The following ANKZF1 variants were observed in gnomAD, a reference collection of about 807,000 sequenced individuals.
ANKZF1 encodes the protein ankyrin repeat and zinc finger peptidyl tRNA hydrolase 1, also known as tRNA endonuclease ANKZF1.
ANKZF1 carries 84 observed loss-of-function variants against 86.0 expected under a neutral mutation model. The observed-to-expected ratio is 0.98, with a 90% confidence interval of 0.82 to 1.17. The LOEUF (loss-of-function observed/expected upper bound fraction) is 1.17, where lower values mean the gene tolerates loss of function less well. Ranked by LOEUF, ANKZF1 falls within the 50% of genes most tolerant of loss-of-function variation. ANKZF1 has a pLI of 0.00. For missense variants in ANKZF1, 893 were observed against 918.4 expected (o/e 0.97, Z 0.36); for synonymous variants, 331 against 354.2 (o/e 0.93, Z 0.74).
chr2:219,233,646 A>T, intron 7 of ANKZF1, 69 bp from the exon 8 acceptor site: 2 of 1,516,310 alleles, frequency 1.3e-6, no homozygotes, highest in Admixed American at 4.2e-5. Context: ...TCTGTGGGCC[A>T]TTTTTTTTAG....
rs1951249069 is a variant in ANKZF1, at chr2:219,236,676, G to C, written c.*231G>C. ...ATGTGTACTTGTACTTACATTCAGA[G>C]GCACTGTGGCCTTTAGTTCCTTAGG... On this transcript the variant is annotated 3_prime_UTR_variant, in exon 14 of 14. Coordinates refer to ENST00000323348, the MANE Select transcript of ANKZF1 (RefSeq NM_018089.3). 2 of 564,878 alleles carry C rather than the reference G, an allele frequency of 3.5e-6. No homozygotes were observed. Among genetic ancestry groups the C allele is most frequent in the Non-Finnish European group, 5.9e-6 (2 of 340,986 alleles). The allele number at this position is 564,878 out of a possible 1,614,324, so 35.0% of individuals were successfully genotyped here.
rs572972035 is a variant in ANKZF1 at position 219,229,883 on chromosome 2, C to G, written c.-48C>G. ...TCGACCTGAGGACTTGCGAGCCGCT[C>G]AGCTCCCGGGACGTTTGGTGCGTCT... On this transcript the variant is annotated 5_prime_UTR_variant, in exon 1 of 14. Transcript: ENST00000323348. This position sits in a 1 kb window ranked among gnomAD's most constrained non-coding sequence, Gnocchi z 4.2. 1 of 190,392 alleles carries G rather than the reference C, an allele frequency of 5.3e-6. No individual in the cohort carries two copies. The highest frequency in any genetic ancestry group is 2.4e-5 in the African/African-American group (1 of 40,978). The allele number at this position is 190,392 out of a possible 1,614,324, so 11.8% of individuals were successfully genotyped here. A position where few individuals can be genotyped will look rare whatever the true frequency, so the allele number is the denominator to read the frequency against.
Position 219,235,045 on chromosome 2 carries a change from T to C in ANKZF1, c.1424T>C (p.Val475Ala), listed in dbSNP as rs1951163529. Residue 475 changes from valine (V) to alanine (A), a missense_variant, in exon 10 of 14, where the codon GTT becomes GCT. By Grantham distance (64) the Val-to-Ala change is moderately conservative. Transcript: ENST00000323348. The stretch of plus-strand genomic sequence containing the variant: ...CCTTCCACACAGTCATCCCAGGCAG[T>C]TGCTGCCCCCTTGGGCCCTTTGCTG... Reference protein sequence around the residue: ...EEPSTQSSQAVAAPLGPLLDE... With the variant: ...EEPSTQSSQAAAAPLGPLLDE... 2.5e-6 allele frequency: 4 copies of C among 1,614,250 alleles called. No individual in the cohort carries two copies. The East Asian group carries it at 8.9e-5, about 36-fold the overall frequency.
chr2:219,236,160 A>C, intron 13 of ANKZF1, 65 bp downstream of exon 13: 1 of 1,604,422 alleles, frequency 6.2e-7, no homozygotes, highest in African/African-American at 1.3e-5. Flanking sequence ...GGGGCAAGAG[A>C]AATGAGTACC....
chr2:219,234,583 T>C (rs1951145842), intron 9 of ANKZF1: 1 of 657,638 alleles, frequency 1.5e-6, no homozygotes, highest in Admixed American at 2.9e-5. Context: ...GAGGGCTGCT[T>C]CCATGCTTTC....
Position 219,235,264 on chromosome 2 carries a change from G to C in ANKZF1, c.1643G>C (p.Gly548Ala). 1 of 1,612,174 alleles carries C rather than the reference G, an allele frequency of 6.2e-7. No homozygotes were observed. Among genetic ancestry groups the C allele is most frequent in the Non-Finnish European group, 8.5e-7 (1 of 1,179,978 alleles). ...CATGCAGCAGCTGCAGCTGGAAGAG[G>C]CTCAGTGGTTCGTCTGCTGCTGGAA... ...LLHAAAAAGR[G>A]SVVRLLLEAG... The change falls in exon 10 of 14, where the codon GGC becomes GCC. Residue 548 changes from glycine (G) to alanine (A), a missense_variant. Transcript: ENST00000323348.
Position 219,234,814 on chromosome 2 carries a change from G to C in ANKZF1, c.1205-12G>C, listed in dbSNP as rs1283225083. 1.3e-6 allele frequency: 2 copies of C among 1,599,352 alleles called. No individual in the cohort carries two copies. The highest frequency in any genetic ancestry group is 1.3e-5 in the African/African-American group (1 of 74,312). Reference sequence around the variant, plus strand: ...TCCCTAGATGGATTTCACATGTCAGGTTTTTCCCTAGGTTCAGGGTCGGAG... The same window carrying C: ...TCCCTAGATGGATTTCACATGTCAGCTTTTTCCCTAGGTTCAGGGTCGGAG... On this transcript the variant is annotated splice_polypyrimidine_tract_variant and intron_variant, in intron 9 of 13. Transcript: ENST00000323348.
Position 219,236,327 on chromosome 2 carries a change from G to A in ANKZF1, c.2063G>A (p.Cys688Tyr), listed in dbSNP as rs1261619773. The change falls in exon 14 of 14, where the codon TGC becomes TAC. Residue 688 changes from cysteine to tyrosine, a missense_variant. Cys to Tyr is a radical substitution (Grantham distance 194). Coordinates refer to ENST00000323348, the MANE Select transcript of ANKZF1 (RefSeq NM_018089.3). ...PDSAIVNTRR[C>Y]WSCGASLQGL... ...TTTTTCTTCCTCTTGTTCAGACGCT[G>A]CTGGAGTTGTGGGGCATCCCTCCAA... 6.2e-7 allele frequency: 1 copy of A among 1,613,940 alleles called. No homozygotes were observed. Among genetic ancestry groups the A allele is most frequent in the Non-Finnish European group, 8.5e-7 (1 of 1,180,050 alleles).
chr2:219,233,733 G>A lies in ANKZF1; in HGVS notation c.838G>A (p.Ala280Thr). 1.2e-6 allele frequency: 2 copies of A among 1,613,108 alleles called. No individual in the cohort carries two copies. Among genetic ancestry groups the A allele is most frequent in the Non-Finnish European group, 1.7e-6 (2 of 1,179,628 alleles). Residue 280 changes from alanine (A) to threonine (T), a missense_variant, in exon 8 of 14, where the codon GCA becomes ACA. Ala to Thr is a moderately conservative substitution (Grantham distance 58, BLOSUM62 0). Coordinates refer to ENST00000323348, the MANE Select transcript of ANKZF1 (RefSeq NM_018089.3). ...TLYKDVRDLL[A>T]GPSWAKALEE... ...TCTCTAGGATGTTCGTGACCTGCTG[G>A]CAGGGCCAAGCTGGGCTAAGGCGCT...
Position 219,234,851 on chromosome 2 carries a change from C to G in ANKZF1, c.1230C>G (p.Gly410=). ...GTTCAGGGTCGGAGGGAGAAGATGG[C>G]TTTCAGGTAGAGTTGGAGCTAGTGG... The part of the protein sequence containing the change: ...KQGSGSEGED[G]FQVELELVEL... Residue 410 remains glycine, a synonymous_variant, in exon 10 of 14, where the codon GGC becomes GGG. Coordinates refer to ENST00000323348, the MANE Select transcript of ANKZF1 (RefSeq NM_018089.3). The G allele has an allele frequency of 6.2e-7, 1 of 1,612,674 alleles. No homozygotes were observed. The highest frequency in any genetic ancestry group is 1.7e-5 in the Admixed American group (1 of 59,896).
chr2:219,232,455 A>G, intron 4 of ANKZF1, 35 bp from the exon 5 acceptor site: 1 of 1,612,176 alleles, frequency 6.2e-7, no homozygotes, highest in Non-Finnish European at 8.5e-7. Flanking sequence ...AAAATGGGGT[A>G]CCAAACTTGT....
In ANKZF1 at chr2:219,234,292, TG is replaced by T; in HGVS notation, c.1204+5del. On this transcript the variant is annotated splice_donor_5th_base_variant and intron_variant, in intron 9 of 13. Coordinates refer to ENST00000323348, the MANE Select transcript of ANKZF1 (RefSeq NM_018089.3). Reference sequence around the variant, plus strand: ...AATGAGGAATCTCCCAAACAGGGTTTGATTACTATCTGGCAACTGTCAGATC... The same window carrying T: ...AATGAGGAATCTCCCAAACAGGGTTTATTACTATCTGGCAACTGTCAGATC... The T allele has an allele frequency of 6.2e-7, 1 of 1,613,876 alleles. No homozygotes were observed. The highest frequency in any genetic ancestry group is 1.1e-5 in the South Asian group (1 of 91,086).
intron 7 of ANKZF1, 89 bp from the exon 8 acceptor site, chr2:219,233,626 C>A: frequency 6.9e-7 from 1 of 1,454,642 alleles, no homozygotes; most frequent in Non-Finnish European, 9.3e-7. Context: ...TACTTTCCAC[C>A]CCTTGCACTT....
At chr2:219,234,008 T>G in intron 8 of ANKZF1, 65 bp downstream of exon 8, 6 of 1,528,060 alleles carry the variant, frequency 3.9e-6, no homozygotes, top group Non-Finnish European at 5.3e-6. Flanking sequence ...AAGCCTCCAT[T>G]CTCATTGGTA....
Position 219,233,612 on chromosome 2 carries a change from C to T in ANKZF1, c.820-103C>T, listed in dbSNP as rs541230692. 4.9e-6 allele frequency: 7 copies of T among 1,417,778 alleles called. No homozygotes were observed. The South Asian group carries it at 6.9e-5, about 14-fold the overall frequency. The allele number at this position is 1,417,778 out of a possible 1,614,324, so 87.8% of individuals were successfully genotyped here. ...GTCCTCTATTCTTTCTCCGTGTTAT[C>T]CTCTACTTTCCACCCCTTGCACTTC... On this transcript the variant is annotated intron_variant, in intron 7 of 13. Coordinates refer to ENST00000323348, the MANE Select transcript of ANKZF1 (RefSeq NM_018089.3).
chr2:219,232,649 T>C lies in ANKZF1; in HGVS notation c.524T>C (p.Leu175Pro), dbSNP rs765039743. 5.6e-6 allele frequency: 9 copies of C among 1,614,216 alleles called. No homozygotes were observed. The highest frequency in any genetic ancestry group is 6.8e-6 in the Non-Finnish European group (8 of 1,180,038). ...TTCCAGAATGCCCAGGGCCAGTTTC[T>C]TTATGCCTACCGCTGTGTCCTAGGC... The part of the protein sequence containing the change: ...VLFQNAQGQF[L>P]YAYRCVLGPH... Residue 175 changes from leucine (L) to proline (P), a missense_variant, in exon 5 of 14, where the codon CTT becomes CCT. Physicochemically the swap from Leu to Pro is moderately conservative, Grantham distance 98. Transcript: ENST00000323348.
intron 5 of ANKZF1, 60 bp from the exon 6 acceptor site, chr2:219,233,019 T>C: frequency 6.7e-7 from 1 of 1,489,954 alleles, no homozygotes. Flanking sequence ...AAATTGGCCC[T>C]TAGTTTCTTG....
chr2:219,231,857 C>T, intron 2 of ANKZF1, 71 bp from the exon 3 acceptor site: 3 of 1,276,768 alleles, frequency 2.3e-6, no homozygotes, highest in Non-Finnish European at 3.4e-6. Context: ...GTATATCACA[C>T]TCTGAATATA....
rs746375968 is a variant in ANKZF1, at chr2:219,236,043, C to T, written c.2005C>T (p.Gln669Ter). The T allele has an allele frequency of 1.2e-6, 2 of 1,614,220 alleles. No homozygotes were observed. The highest frequency in any genetic ancestry group is 1.7e-6 in the Non-Finnish European group (2 of 1,180,050). The change falls in exon 13 of 14, where the codon CAG becomes TAG. Residue 669 changes from glutamine (Q) to a stop codon, truncating the protein, a stop_gained. Coordinates refer to ENST00000323348, the MANE Select transcript of ANKZF1 (RefSeq NM_018089.3). LOFTEE classifies it high-confidence loss of function. ...ALAAERRLAA[Q>*]LGAPTSPIPD... Reference sequence around the variant, plus strand: ...GGCTGCAGAGCGCCGACTCGCTGCCCAGTTGGGAGCCCCTACCTCTCCAAT... The same window carrying T: ...GGCTGCAGAGCGCCGACTCGCTGCCTAGTTGGGAGCCCCTACCTCTCCAAT...
Sources: allele counts gnomAD v4.1 joint callset, GRCh38; gene constraint gnomAD v4.1.1; non-coding constraint Gnocchi (gnomAD v3.1); transcripts MANE v1.5; gene names NCBI Gene and HGNC (gene_info 2026-07-23, HGNC 2026-07-21).